Variants in LY6L observed in about 807,000 individuals in gnomAD.
LY6L encodes lymphocyte antigen 6 family member L.
In LY6L, 8 loss-of-function variants were observed where a neutral mutation model predicts 8.3. That is an observed-to-expected ratio of 0.97 (90% confidence interval 0.57 to 1.74). LY6L has a LOEUF of 1.74. Among genes scored for constraint, LY6L ranks in the 40% most tolerant of loss-of-function variants. LY6L has a pLI of 0.00. For missense variants in LY6L, 156 were observed against 183.8 expected, an observed-to-expected ratio of 0.85 and a Z score of 0.87; for synonymous variants, 79 against 77.9, an observed-to-expected ratio of 1.01 and a Z score of -0.07.
In LY6L at chr8:143,082,542, G is replaced by T. The variant is rs773660992; in HGVS notation, c.308G>T (p.Cys103Phe). 3.3e-6 allele frequency: 5 copies of T among 1,535,398 alleles called. No individual in the cohort carries two copies. In the South Asian group the frequency reaches 5.9e-5, roughly 18 times the overall value. The change falls in exon 4 of 4, where the codon TGT becomes TTT. Residue 103 changes from cysteine to phenylalanine, a missense_variant. Cys to Phe is a radical substitution (Grantham distance 205). Coordinates refer to ENST00000562505, the MANE Select transcript of LY6L (RefSeq NM_001368160.2). ...CAAGGCGTGATCACCAGGCGCTGCT[G>T]TTCCTGGGCTCTCTGCAACAGGGCA... ...MVQGVITRRC[C>F]SWALCNRALT...
At chr8:143,081,357 C>T in intron 3 of LY6L, 30 bp downstream of exon 3, 1 of 1,389,816 alleles carries the variant, frequency 7.2e-7, no homozygotes, top group Non-Finnish European at 9.6e-7. Context: ...AGGGCAGGTG[C>T]CAGGTGCCGG....
At chr8:143,081,630 G>T (rs924028054) in intron 3 of LY6L, among the ~76,000 whole-genome samples, 1 of 152,198 alleles carries the variant, frequency 6.6e-6, no homozygotes, top group Admixed American at 6.5e-5. Flanking sequence ...TGTTCGAGGC[G>T]ATGGGTTATC....
intron 3 of LY6L, 92 bp downstream of exon 3, chr8:143,081,419 C>A (rs1268853702): frequency 5.0e-6 from 4 of 794,524 alleles, no homozygotes; most frequent in Non-Finnish European, 7.7e-6. Flanking sequence ...GTCCTCGGCG[C>A]TCCAGGGCCT....
intron 3 of LY6L, among the ~76,000 whole-genome samples, 175 bp downstream of exon 3, chr8:143,081,502 G>T (rs1027393545): frequency 6.6e-6 from 1 of 152,224 alleles, no homozygotes; most frequent in South Asian, 2.1e-4. Context: ...CCCAGAGTGT[G>T]AATTTTGACT....
rs1820422091 is a variant in LY6L at position 143,081,136 on chromosome 8, G to C, written c.73+10G>C. 3 of 1,534,010 alleles carry C rather than the reference G, an allele frequency of 2.0e-6. No individual in the cohort carries two copies. The highest frequency in any genetic ancestry group is 2.4e-5 in the South Asian group (2 of 83,944). On this transcript the variant is annotated intron_variant, in intron 2 of 3. Transcript: ENST00000562505. Reference sequence around the variant, plus strand: ...TGCGCCACGACGCCAGGTAAGGCGCGGCCCGGGCTGGGCTGGGGGCGTCGG... The same window carrying C: ...TGCGCCACGACGCCAGGTAAGGCGCCGCCCGGGCTGGGCTGGGGGCGTCGG...
rs143993780 is a variant in LY6L at position 143,082,146 on chromosome 8, C to T, written c.191-279C>T. On this transcript the variant is annotated intron_variant, in intron 3 of 3. Transcript: ENST00000562505. The stretch of plus-strand genomic sequence containing the variant: ...GGGTGGTCCAGGCTGTGCATGGCTT[C>T]GGGAGAAGGCCCCTTACAGCCAGTT... Among the ~76,000 whole-genome samples the T allele has an allele frequency of 2.2e-3, 329 of 152,320 alleles. 3 individuals are homozygous for T. The highest frequency in any genetic ancestry group is 3.9e-3 in the Non-Finnish European group (265 of 68,028).
intron 3 of LY6L, among the ~76,000 whole-genome samples, 171 bp downstream of exon 3, chr8:143,081,498 G>T (rs1427617028): frequency 6.6e-6 from 1 of 152,240 alleles, no homozygotes; most frequent in Non-Finnish European, 1.5e-5. Flanking sequence ...GCATCCCAGA[G>T]TGTGAATTTT....
At position 143,082,651 on chromosome 8, in the gene LY6L, AG is replaced by A. The variant is rs1820451784; in HGVS notation, c.*3del. On this transcript the variant is annotated 3_prime_UTR_variant, in exon 4 of 4. Transcript: ENST00000562505. Reference sequence around the variant, plus strand: ...TCAGCCTCCTCAGGGCCCTGTTGTGAGGGCCCTCCCTTTACGCCCCCTCCTG... The same window carrying A: ...TCAGCCTCCTCAGGGCCCTGTTGTGAGGCCCTCCCTTTACGCCCCCTCCTG... 1.4e-6 allele frequency: 2 copies of A among 1,479,304 alleles called. No individual in the cohort carries two copies. Among genetic ancestry groups the A allele is most frequent in the Non-Finnish European group, 1.8e-6 (2 of 1,116,170 alleles). The allele number at this position is 1,479,304 out of a possible 1,614,324, so 91.6% of individuals were successfully genotyped here.
At position 143,082,361 on chromosome 8, in the gene LY6L, C is replaced by T. The variant is rs749963600; in HGVS notation, c.191-64C>T. 2.8e-4 allele frequency: 336 copies of T among 1,219,234 alleles called. 1 individual carries two copies. Among genetic ancestry groups the T allele is most frequent in the Middle Eastern group, 1.5e-3 (8 of 5,306 alleles). The allele number at this position is 1,219,234 out of a possible 1,614,324, so 75.5% of individuals were successfully genotyped here. On this transcript the variant is annotated intron_variant, in intron 3 of 3. Coordinates refer to ENST00000562505, the MANE Select transcript of LY6L (RefSeq NM_001368160.2). Reference sequence around the variant, plus strand: ...CTTTGGAAAGCATCCTTGCACTTTCCGCATAACTGTGGATACCTCCTTGCT... The same window carrying T: ...CTTTGGAAAGCATCCTTGCACTTTCTGCATAACTGTGGATACCTCCTTGCT...
chr8:143,081,022 C>G lies in LY6L; in HGVS notation c.-18-14C>G, dbSNP rs565135543. The G allele has an allele frequency of 6.6e-7, 1 of 1,518,342 alleles. No homozygotes were observed. Among genetic ancestry groups the G allele is most frequent in the South Asian group, 1.2e-5 (1 of 83,574 alleles). The allele number at this position is 1,518,342 out of a possible 1,614,324, so 94.1% of individuals were successfully genotyped here. A position where few individuals can be genotyped will look rare whatever the true frequency, so the allele number is the denominator to read the frequency against. ...GGGTGAAGCCTCCCGCAACACCCACCTCACCCCACTCAGGCTGAGCCTTCT... is the reference window on the plus strand; with the variant it reads ...GGGTGAAGCCTCCCGCAACACCCACGTCACCCCACTCAGGCTGAGCCTTCT... On this transcript the variant is annotated splice_polypyrimidine_tract_variant and intron_variant, in intron 1 of 3. Coordinates refer to ENST00000562505, the MANE Select transcript of LY6L (RefSeq NM_001368160.2).
Position 143,082,873 on chromosome 8 carries a change from C to T in LY6L, c.*222C>T. The T allele has an allele frequency of 1.9e-6, 1 of 513,832 alleles. No homozygotes were observed. The allele number at this position is 513,832 out of a possible 1,614,324, so 31.8% of individuals were successfully genotyped here. A position where few individuals can be genotyped will look rare whatever the true frequency, so the allele number is the denominator to read the frequency against. ...CCCCAAGGATTCAGCAACTGCTCCT[C>T]CTGGGGAAGGACAGTGCCTCTGATG... On this transcript the variant is annotated 3_prime_UTR_variant, in exon 4 of 4. Coordinates refer to ENST00000562505, the MANE Select transcript of LY6L (RefSeq NM_001368160.2).
At chr8:143,082,364 A>C in intron 3 of LY6L, 61 bp from the exon 4 acceptor site, 1 of 1,250,136 alleles carries the variant, frequency 8.0e-7, no homozygotes, top group Non-Finnish European at 1.1e-6. Context: ...CACTTTCCGC[A>C]TAACTGTGGA....
Position 143,082,920 on chromosome 8 carries a change from C to A in LY6L, c.*269C>A. 2.2e-6 allele frequency: 1 copy of A among 461,074 alleles called. No homozygotes were observed. Among genetic ancestry groups the A allele is most frequent in the Non-Finnish European group, 3.9e-6 (1 of 258,994 alleles). The allele number at this position is 461,074 out of a possible 1,614,324, so 28.6% of individuals were successfully genotyped here. ...GATGTGGGTGATGGGAAGGACGGTG[C>A]CTCTGATGTGGGTGATGGGAAGGAC... On this transcript the variant is annotated 3_prime_UTR_variant, in exon 4 of 4. Transcript: ENST00000562505.
chr8:143,081,155 G>A (rs1386826088), intron 2 of LY6L, 29 bp downstream of exon 2: 8 of 1,532,544 alleles, frequency 5.2e-6, no homozygotes, highest in Non-Finnish European at 4.4e-6. Context: ...TGGGCTGGGG[G>A]CGTCGGGGCT....
In LY6L at chr8:143,082,415, T is replaced by C; in HGVS notation, c.191-10T>C. On this transcript the variant is annotated splice_polypyrimidine_tract_variant and intron_variant, in intron 3 of 3. Coordinates refer to ENST00000562505, the MANE Select transcript of LY6L (RefSeq NM_001368160.2). ...GCTCTGGGGCCACCTGCCTCTCCTCTTTTCTGCAGAATGGAGTGTACGCGT... is the reference window on the plus strand; with the variant it reads ...GCTCTGGGGCCACCTGCCTCTCCTCCTTTCTGCAGAATGGAGTGTACGCGT... The C allele has an allele frequency of 6.6e-7, 1 of 1,523,078 alleles. No individual in the cohort carries two copies. Among genetic ancestry groups the C allele is most frequent in the Non-Finnish European group, 8.8e-7 (1 of 1,136,444 alleles). The allele number at this position is 1,523,078 out of a possible 1,614,324, so 94.3% of individuals were successfully genotyped here.
chr8:143,082,658 T>C lies in LY6L; in HGVS notation c.*7T>C, dbSNP rs901588556. ...CCTCAGGGCCCTGTTGTGAGGGCCC[T>C]CCCTTTACGCCCCCTCCTGGCCCTG... On this transcript the variant is annotated 3_prime_UTR_variant, in exon 4 of 4. Coordinates refer to ENST00000562505, the MANE Select transcript of LY6L (RefSeq NM_001368160.2). 1 of 1,466,380 alleles carries C rather than the reference T, an allele frequency of 6.8e-7. No individual in the cohort carries two copies. Among genetic ancestry groups the C allele is most frequent in the Non-Finnish European group, 9.0e-7 (1 of 1,110,150 alleles). The allele number at this position is 1,466,380 out of a possible 1,614,324, so 90.8% of individuals were successfully genotyped here.
Position 143,082,720 on chromosome 8 carries a change from T to G in LY6L, c.*69T>G. 1 of 1,247,784 alleles carries G rather than the reference T, an allele frequency of 8.0e-7. No homozygotes were observed. Among genetic ancestry groups the G allele is most frequent in the Non-Finnish European group, 1.1e-6 (1 of 931,512 alleles). 77.3% of individuals were successfully genotyped at this position (1,247,784 alleles called of 1,614,324 possible). The stretch of plus-strand genomic sequence containing the variant: ...CGTCTCCTGCCTCCAACTGCCATCC[T>G]GCCTCCGCCCCTTCCAGGACACTGG... On this transcript the variant is annotated 3_prime_UTR_variant, in exon 4 of 4. Coordinates refer to ENST00000562505, the MANE Select transcript of LY6L (RefSeq NM_001368160.2).
Position 143,081,235 on chromosome 8 carries a change from G to T in LY6L, c.98G>T (p.Cys33Phe). ...TPARNLSCYQ[C>F]FKVSSWTECP... The stretch of plus-strand genomic sequence containing the variant: ...GCTCGCAACCTGAGCTGCTACCAGT[G>T]CTTCAAGGTCAGCAGCTGGACGGAG... Residue 33 changes from cysteine to phenylalanine, a missense_variant, in exon 3 of 4, where the codon TGC becomes TTC. Transcript: ENST00000562505. 1.3e-6 allele frequency: 2 copies of T among 1,533,290 alleles called. No homozygotes were observed. Among genetic ancestry groups the T allele is most frequent in the Non-Finnish European group, 1.7e-6 (2 of 1,145,280 alleles). The allele number at this position is 1,533,290 out of a possible 1,614,324, so 95.0% of individuals were successfully genotyped here. A position where few individuals can be genotyped will look rare whatever the true frequency, so the allele number is the denominator to read the frequency against.
In LY6L at chr8:143,082,732, T is replaced by C; in HGVS notation, c.*81T>C. 8.7e-7 allele frequency: 1 copy of C among 1,146,444 alleles called. No individual in the cohort carries two copies. The highest frequency in any genetic ancestry group is 1.2e-6 in the Non-Finnish European group (1 of 843,900). 71.0% of individuals were successfully genotyped at this position (1,146,444 alleles called of 1,614,324 possible). On this transcript the variant is annotated 3_prime_UTR_variant, in exon 4 of 4. Coordinates refer to ENST00000562505, the MANE Select transcript of LY6L (RefSeq NM_001368160.2). ...CCAACTGCCATCCTGCCTCCGCCCC[T>C]TCCAGGACACTGGGGGGGGACCCTC...
Sources: gnomAD v4.1 joint callset for allele counts (sites outside exome capture counted in the v4.1 genomes callset) on GRCh38, gnomAD v4.1.1 for gene constraint, MANE v1.5 for transcripts, NCBI Gene and HGNC (gene_info 2026-07-23, HGNC 2026-07-21) for gene names.